The following HS6ST2 variants were observed in gnomAD, a reference collection of about 807,000 sequenced individuals.
HS6ST2 encodes heparan-sulfate 6-O-sulfotransferase 2.
A neutral mutation model predicts 33.0 loss-of-function variants in HS6ST2; 17 were observed. That is an observed-to-expected ratio of 0.52 (90% CI 0.35 to 0.77). HS6ST2 has a LOEUF of 0.77. Among genes scored for constraint, HS6ST2 ranks in the 30% least tolerant of loss-of-function variants. The pLI, the probability that HS6ST2 is intolerant of heterozygous loss-of-function variation, is 0.01. For synonymous variants in HS6ST2, 248 were observed against 237.1 expected (o/e 1.05, Z -0.42); for missense variants, 519 against 551.7 (o/e 0.94, Z 0.59).
intron 2 of HS6ST2, among the ~76,000 whole-genome samples, chrX:132,805,346 T>C (rs916075945): frequency 9.0e-6 from 1 of 111,337 alleles, no homozygotes; most frequent in East Asian, 2.8e-4. Context: ...AGCCCAAATA[T>C]AGGAAATGAG....
intron 2 of HS6ST2, among the ~76,000 whole-genome samples, chrX:132,740,683 TC>T (rs780985614): frequency 4.3e-4 from 48 of 110,977 alleles, no homozygotes; most frequent in Non-Finnish European, 7.9e-4. Flanking sequence ...TTTTTTTTTT[TC>T]AGCCATGCAG....
At chrX:132,716,316 C>T (rs1944903296) in intron 2 of HS6ST2, among the ~76,000 whole-genome samples, 1 of 112,098 alleles carries the variant, frequency 8.9e-6, no homozygotes, top group South Asian at 3.7e-4. Context: ...TACATTGTTT[C>T]TGAAAACATT....
chrX:132,826,548 C>T (rs776495323), intron 2 of HS6ST2, among the ~76,000 whole-genome samples: 23 of 110,077 alleles, frequency 2.1e-4, no homozygotes, highest in Non-Finnish European at 4.0e-4. Flanking sequence ...ATTAATTTCA[C>T]GTTTCAACAT....
intron 3 of HS6ST2, among the ~76,000 whole-genome samples, chrX:132,687,982 C>T (rs1286404726): frequency 2.7e-5 from 3 of 111,999 alleles, no homozygotes; most frequent in African/African-American, 9.7e-5. Context: ...CTCCTGACAT[C>T]AGGTGATCCA....
intron 3 of HS6ST2, among the ~76,000 whole-genome samples, chrX:132,684,605 G>C (rs759455121): frequency 9.0e-6 from 1 of 110,704 alleles, no homozygotes; most frequent in African/African-American, 3.3e-5. Flanking sequence ...ACAATAGGAA[G>C]GATTGCTCCC....
intron 2 of HS6ST2, among the ~76,000 whole-genome samples, chrX:132,766,815 C>T (rs1240147804): frequency 8.9e-6 from 1 of 112,024 alleles, no homozygotes; most frequent in African/African-American, 3.2e-5. Context: ...TAGGCACTTA[C>T]CATGTTCCAG....
At chrX:132,891,334 T>C (rs1315720195) in intron 2 of HS6ST2, among the ~76,000 whole-genome samples, 1 of 61,105 alleles carries the variant, frequency 1.6e-5, no homozygotes, top group Non-Finnish European at 3.0e-5. Flanking sequence ...TCCAAATGTT[T>C]ACCAAAAAAA....
chrX:132,934,907 T>C lies in HS6ST2; in HGVS notation c.947+21901A>G, dbSNP rs756077578. Among the ~76,000 whole-genome samples the C allele has an allele frequency of 6.4e-5, 7 of 109,764 alleles. No homozygotes were observed. In the East Asian group the frequency reaches 1.1e-3, roughly 18 times the overall value. On this transcript the variant is annotated intron_variant, in intron 2 of 4. Coordinates refer to ENST00000370833, the MANE Select transcript of HS6ST2 (RefSeq NM_001394073.1). ...TATAGATAGAAAAAGATAGAAATCATTGGAGAGGAAAAAGAAGAGAAAAGA... is the reference window on the plus strand; with the variant it reads ...TATAGATAGAAAAAGATAGAAATCACTGGAGAGGAAAAAGAAGAGAAAAGA...
intron 2 of HS6ST2, among the ~76,000 whole-genome samples, chrX:132,712,220 G>A (rs895419314): frequency 3.8e-4 from 42 of 111,071 alleles, no homozygotes; most frequent in Admixed American, 7.7e-4. Context: ...GAATTTCCAC[G>A]TTCTCCCATG....
chrX:132,664,155 C>T (rs1279113006), intron 4 of HS6ST2, among the ~76,000 whole-genome samples: 1 of 111,506 alleles, frequency 9.0e-6, no homozygotes, highest in Non-Finnish European at 1.9e-5. Context: ...GGACTACAGG[C>T]GTGTGCCACC....
chrX:132,676,101 C>T (rs1410164051), intron 3 of HS6ST2, among the ~76,000 whole-genome samples: 1 of 112,187 alleles, frequency 8.9e-6, no homozygotes, highest in Non-Finnish European at 1.9e-5. Flanking sequence ...AACTTCTTAC[C>T]AACTGAATCC....
chrX:132,806,801 G>A (rs2065288345), intron 2 of HS6ST2, among the ~76,000 whole-genome samples: 1 of 109,381 alleles, frequency 9.1e-6, no homozygotes, highest in Non-Finnish European at 1.9e-5. Context: ...CATGGTTTGC[G>A]GGCCCTGTCC....
intron 2 of HS6ST2, among the ~76,000 whole-genome samples, chrX:132,865,733 G>A (rs2065969117): frequency 8.9e-6 from 1 of 112,340 alleles, no homozygotes; most frequent in Non-Finnish European, 1.9e-5. Context: ...GGCCAGTGAT[G>A]GTGAGCATTA....
intron 2 of HS6ST2, among the ~76,000 whole-genome samples, chrX:132,859,234 G>T (rs989833186): frequency 1.4e-4 from 16 of 111,185 alleles, no homozygotes; most frequent in African/African-American, 5.2e-4. Context: ...TCCTTCCAAA[G>T]AAAACCAAAG....
At chrX:132,640,947 G>A (rs775868904) in intron 4 of HS6ST2, among the ~76,000 whole-genome samples, 1 of 111,036 alleles carries the variant, frequency 9.0e-6, no homozygotes, top group Non-Finnish European at 1.9e-5. Flanking sequence ...TATATTGCAC[G>A]ATGCTGAGGT....
At chrX:132,771,391 A>G (rs2064898069) in intron 2 of HS6ST2, among the ~76,000 whole-genome samples, 1 of 112,017 alleles carries the variant, frequency 8.9e-6, no homozygotes, top group Admixed American at 9.5e-5. Flanking sequence ...CCTACAAAAG[A>G]AGAAGAGGAG....
chrX:132,843,172 C>G (rs1379033738), intron 2 of HS6ST2, among the ~76,000 whole-genome samples: 1 of 112,096 alleles, frequency 8.9e-6, no homozygotes, highest in East Asian at 2.8e-4. Flanking sequence ...GTTAAAAGTT[C>G]TCAATGCTAC....
At chrX:132,754,885 A>AT (rs1224599831) in intron 2 of HS6ST2, among the ~76,000 whole-genome samples, 5 of 110,079 alleles carry the variant, frequency 4.5e-5, no homozygotes, top group Non-Finnish European at 5.7e-5. Flanking sequence ...CTAATTTTTA[A>AT]TTTTTTTGTA....
At chrX:132,867,464 G>A (rs776750596) in intron 2 of HS6ST2, among the ~76,000 whole-genome samples, 11 of 111,039 alleles carry the variant, frequency 9.9e-5, no homozygotes, top group Admixed American at 5.8e-4. Flanking sequence ...GTCTTTGCCC[G>A]GCTTTGGTAT....
Sources: gnomAD v4.1 joint callset for allele counts (sites outside exome capture counted in the v4.1 genomes callset) on GRCh38, gnomAD v4.1.1 for gene constraint, MANE v1.5 for transcripts, NCBI Gene and HGNC (gene_info 2026-07-23, HGNC 2026-07-21) for gene names.